SMO: variants seen among roughly 807,000 people sequenced by gnomAD.
SMO encodes smoothened, frizzled class receptor.
In SMO, 40 loss-of-function variants were observed where a neutral mutation model predicts 81.6. The observed-to-expected ratio is 0.49, with a 90% CI of 0.38 to 0.64. The LOEUF (loss-of-function observed/expected upper bound fraction) is 0.64, where lower values mean the gene tolerates loss of function less well. Among genes scored for constraint, SMO ranks in the 30% least tolerant of loss-of-function variants. The pLI, the probability that SMO is intolerant of heterozygous loss-of-function variation, is 0.00. For synonymous variants in SMO, 434 were observed against 432.1 expected (o/e 1.00, Z -0.05); for missense variants, 916 against 1,061.1 (o/e 0.86, Z 1.90).
chr7:129,203,707 A>C, intron 2 of SMO, 118 bp downstream of exon 2: 1 of 744,274 alleles, frequency 1.3e-6, no homozygotes, highest in Non-Finnish European at 2.2e-6. Flanking sequence ...CCCTGAGCCT[A>C]CAGCCATGGG....
chr7:129,195,225 C>G (rs150335271), intron 1 of SMO, among the ~76,000 whole-genome samples: 3 of 152,306 alleles, frequency 2.0e-5, no homozygotes, highest in African/African-American at 7.2e-5. Flanking sequence ...AGTAGAATTG[C>G]TAGATAATAA....
In SMO at chr7:129,198,467, G is replaced by A. The variant is rs570101119; in HGVS notation, c.332-4917G>A. On this transcript the variant is annotated intron_variant, in intron 1 of 11. Coordinates refer to ENST00000249373, the MANE Select transcript of SMO (RefSeq NM_005631.5). ...TCCTCTACCGCCCAACCAGTACCAT[G>A]CTCTATAGACTGCTCTCCACTCAAC... Among the ~76,000 whole-genome samples, 5 of 152,268 alleles carry A rather than the reference G, an allele frequency of 3.3e-5. No homozygotes were observed. In the South Asian group the frequency reaches 1.0e-3, roughly 32 times the overall value.
At chr7:129,193,859 C>G (rs952286168) in intron 1 of SMO, among the ~76,000 whole-genome samples, 4 of 123,760 alleles carry the variant, frequency 3.2e-5, no homozygotes, top group African/African-American at 1.2e-4. Flanking sequence ...AATCTTAGCA[C>G]TTTGGGAGGT....
intron 1 of SMO, among the ~76,000 whole-genome samples, chr7:129,200,420 C>CA (rs1318363209): frequency 3.7e-4 from 54 of 146,188 alleles, no homozygotes; most frequent in East Asian, 1.4e-3. Context: ...GACTCCATCT[C>CA]AAAAAAAAAA....
At chr7:129,193,791 T>C (rs867638823) in intron 1 of SMO, among the ~76,000 whole-genome samples, 1 of 50,022 alleles carries the variant, frequency 2.0e-5, no homozygotes, top group Non-Finnish European at 3.5e-5. Context: ...AAAAAATATA[T>C]ATATATATAT....
chr7:129,212,262 C>T lies in SMO; in HGVS notation c.2175C>T (p.Cys725=), dbSNP rs1373663022. ...GTGCCTGGGGAGCTGGGGACTCTTGCCGACAGGGAGCGTGGACCCTGGTCT... is the reference window on the plus strand; with the variant it reads ...GTGCCTGGGGAGCTGGGGACTCTTGTCGACAGGGAGCGTGGACCCTGGTCT... ...AAGAWGAGDS[C]RQGAWTLVSN... is the part of the protein sequence containing the mutation. The change falls in exon 12 of 12, where the codon TGC becomes TGT. Residue 725 remains cysteine (C), a synonymous_variant. Coordinates refer to ENST00000249373, the MANE Select transcript of SMO (RefSeq NM_005631.5). The surrounding 1 kb of genome is among the most constrained non-coding windows in gnomAD (Gnocchi z 5.0). The T allele has an allele frequency of 1.2e-6, 2 of 1,608,556 alleles. No homozygotes were observed. The highest frequency in any genetic ancestry group is 2.2e-5 in the East Asian group (1 of 44,620).
In SMO at chr7:129,189,672, G is replaced by A. The variant is rs2150638770; in HGVS notation, c.331+190G>A. Among the ~76,000 whole-genome samples the A allele has an allele frequency of 6.6e-6, 1 of 152,324 alleles. No homozygotes were observed. Among genetic ancestry groups the A allele is most frequent in the African/African-American group, 2.4e-5 (1 of 41,576 alleles). ...ATGGGACCCTCGGTCATGGGAAAAG[G>A]AGGGCAAGGAAGTTGACGAAGCGGG... On this transcript the variant is annotated intron_variant, in intron 1 of 11. Transcript: ENST00000249373. The surrounding 1 kb of genome is among the most constrained non-coding windows in gnomAD (Gnocchi z 4.7).
rs2150646671 is a variant in SMO, at chr7:129,203,473, C to G, written c.421C>G (p.Leu141Val). 1 of 1,590,700 alleles carries G rather than the reference C, an allele frequency of 6.3e-7. No homozygotes were observed. Among genetic ancestry groups the G allele is most frequent in the Non-Finnish European group, 8.6e-7 (1 of 1,168,978 alleles). Residue 141 changes from leucine to valine, a missense_variant, in exon 2 of 12, where the codon CTG becomes GTG. Physicochemically the swap from Leu to Val is conservative, Grantham distance 32. Transcript: ENST00000249373. ...CAAGTGTGAGAATGACCGGGTGGAGCTGCCCAGCCGTACCCTCTGCCAGGC... is the reference window on the plus strand; with the variant it reads ...CAAGTGTGAGAATGACCGGGTGGAGGTGCCCAGCCGTACCCTCTGCCAGGC... ...MPKCENDRVELPSRTLCQATR... is the reference protein window; with the variant it reads ...MPKCENDRVEVPSRTLCQATR...
In SMO at chr7:129,189,056, G is replaced by T; in HGVS notation, c.-96G>T. 1 of 1,130,224 alleles carries T rather than the reference G, an allele frequency of 8.8e-7. No individual in the cohort carries two copies. Among genetic ancestry groups the T allele is most frequent in the Non-Finnish European group, 1.1e-6 (1 of 902,688 alleles). The allele number at this position is 1,130,224 out of a possible 1,614,324, so 70.0% of individuals were successfully genotyped here. A position where few individuals can be genotyped will look rare whatever the true frequency, so the allele number is the denominator to read the frequency against. ...TTCTCTGGGCGCACAGGTCGCCTGAGCCGCCTCCGCGGCCGCCGAGGTCGT... is the reference window on the plus strand; with the variant it reads ...TTCTCTGGGCGCACAGGTCGCCTGATCCGCCTCCGCGGCCGCCGAGGTCGT... On this transcript the variant is annotated 5_prime_UTR_variant, in exon 1 of 12. Coordinates refer to ENST00000249373, the MANE Select transcript of SMO (RefSeq NM_005631.5). The surrounding 1 kb of genome is among the most constrained non-coding windows in gnomAD (Gnocchi z 4.7).
Position 129,211,876 on chromosome 7 carries a change from G to A in SMO, c.1936+106G>A, listed in dbSNP as rs752329465. The stretch of plus-strand genomic sequence containing the variant: ...CGGAGGAGGAGGAAGAGGAAGGAAA[G>A]GCCCCAGAGGATCTGAAGAGTGGGG... On this transcript the variant is annotated intron_variant, in intron 11 of 11. Transcript: ENST00000249373. The surrounding 1 kb of genome is among the most constrained non-coding windows in gnomAD (Gnocchi z 4.6). 6.7e-6 allele frequency: 10 copies of A among 1,488,888 alleles called. No homozygotes were observed. In the South Asian group the frequency reaches 1.0e-4, roughly 15 times the overall value. 92.2% of individuals were successfully genotyped at this position (1,488,888 alleles called of 1,614,324 possible).
Position 129,211,154 on chromosome 7 carries a change from C to T in SMO, c.1801+41C>T, listed in dbSNP as rs772227071. ...CCTCTACCGGAGCCGCCTGGCCCCG[C>T]GCTGCCCATGTGCTAGTCTCTCCCA... On this transcript the variant is annotated intron_variant, in intron 10 of 11. Coordinates refer to ENST00000249373, the MANE Select transcript of SMO (RefSeq NM_005631.5). The surrounding 1 kb of genome is among the most constrained non-coding windows in gnomAD (Gnocchi z 4.6). The T allele has an allele frequency of 1.9e-5, 30 of 1,571,516 alleles. No homozygotes were observed. Among genetic ancestry groups the T allele is most frequent in the Middle Eastern group, 1.7e-4 (1 of 5,836 alleles).
chr7:129,200,313 C>G (rs1013374567), intron 1 of SMO, among the ~76,000 whole-genome samples: 1 of 151,822 alleles, frequency 6.6e-6, no homozygotes, highest in African/African-American at 2.4e-5. Context: ...CCCAGCTACT[C>G]GGGAGGCTGA....
intron 3 of SMO, 46 bp from the exon 4 acceptor site, chr7:129,205,564 G>GCAGAATAACCCTA: frequency 6.3e-7 from 1 of 1,578,190 alleles, no homozygotes; most frequent in Non-Finnish European, 8.7e-7. Flanking sequence ...GTCTGTGTCA[G>GCAGAATAACCCTA]CAGAATAACC....
rs576841883 is a variant in SMO, at chr7:129,210,100, A to T, written c.1467-263A>T. On this transcript the variant is annotated intron_variant, in intron 8 of 11. Transcript: ENST00000249373. The surrounding 1 kb of genome is among the most constrained non-coding windows in gnomAD (Gnocchi z 4.7). ...ATTCTAATGAGCACCCAGGGTTGAG[A>T]TCAGTGCTGTGGAGCTTAGCCCTTT... The T allele has an allele frequency of 2.7e-6, 1 of 374,598 alleles. No homozygotes were observed. The allele number at this position is 374,598 out of a possible 1,614,324, so 23.2% of individuals were successfully genotyped here.
Position 129,189,197 on chromosome 7 carries a change from G to T in SMO, c.46G>T (p.Gly16Trp), listed in dbSNP as rs1793443037. 1 of 1,153,796 alleles carries T rather than the reference G, an allele frequency of 8.7e-7. No homozygotes were observed. Among genetic ancestry groups the T allele is most frequent in the Non-Finnish European group, 1.1e-6 (1 of 919,846 alleles). 71.5% of individuals were successfully genotyped at this position (1,153,796 alleles called of 1,614,324 possible). A position where few individuals can be genotyped will look rare whatever the true frequency, so the allele number is the denominator to read the frequency against. The change falls in exon 1 of 12, where the codon GGG becomes TGG. Residue 16 changes from glycine to tryptophan, a missense_variant. Gly to Trp is a radical substitution (Grantham distance 184). Around this residue, in one of 4 missense-constraint regions of SMO, gnomAD observed 146 missense variants for 149.9 expected, o/e 0.97. Transcript: ENST00000249373. This position sits in a 1 kb window ranked among gnomAD's most constrained non-coding sequence, Gnocchi z 4.7. ...GCGGGGGCCGGAGCTCCCGCTCCTG[G>T]GGCTGCTGCTGCTGCTGCTGCTGGG... ...PARGPELPLL[G>W]LLLLLLLGDP...
rs2150656368 is a variant in SMO, at chr7:129,212,073, C to A, written c.1986C>A (p.Ser662=). ...ANLWLVEAEI[S]PELQKRLGRK... Reference sequence around the variant, plus strand: ...TGTGGCTGGTTGAGGCAGAGATCTCCCCAGAGCTGCAGAAGCGCCTGGGCC... The same window carrying A: ...TGTGGCTGGTTGAGGCAGAGATCTCACCAGAGCTGCAGAAGCGCCTGGGCC... The change falls in exon 12 of 12, where the codon TCC becomes TCA. Residue 662 remains serine, a synonymous_variant. Transcript: ENST00000249373. This position sits in a 1 kb window ranked among gnomAD's most constrained non-coding sequence, Gnocchi z 5.0. The A allele has an allele frequency of 6.3e-7, 1 of 1,588,394 alleles. No homozygotes were observed.
At chr7:129,196,050 G>A (rs1035567087) in intron 1 of SMO, among the ~76,000 whole-genome samples, 142 of 147,432 alleles carry the variant, frequency 9.6e-4, no homozygotes, top group East Asian at 1.4e-3. Flanking sequence ...GCAGTGAGCC[G>A]AGATCGTGCC....
chr7:129,205,168 G>T, intron 2 of SMO, 35 bp from the exon 3 acceptor site: 1 of 1,590,920 alleles, frequency 6.3e-7, no homozygotes, highest in East Asian at 2.2e-5. Flanking sequence ...TCCCTGAGCT[G>T]CCTTGACACC....
chr7:129,199,957 A>G (rs1486798493), intron 1 of SMO, among the ~76,000 whole-genome samples: 1 of 152,224 alleles, frequency 6.6e-6, no homozygotes, highest in African/African-American at 2.4e-5. Flanking sequence ...AGCTTTGTGC[A>G]TATAAGGAAA....
Sources: gnomAD v4.1 joint callset for allele counts (sites outside exome capture counted in the v4.1 genomes callset) on GRCh38, gnomAD v4.1.1 for gene constraint, gnomAD v4.1.1 regional missense constraint, Gnocchi (gnomAD v3.1) non-coding constraint, MANE v1.5 for transcripts, NCBI Gene and HGNC (gene_info 2026-07-23, HGNC 2026-07-21) for gene names.